Variants in MAGI3 observed in about 807,000 individuals in gnomAD.
The protein encoded by MAGI3 is membrane associated guanylate kinase, WW and PDZ domain containing 3, also known as membrane-associated guanylate kinase, WW and PDZ domain-containing protein 3.
MAGI3 carries 43 observed loss-of-function variants against 121.8 expected under a neutral mutation model. The observed-to-expected ratio is 0.35, with a 90% CI of 0.28 to 0.46. MAGI3 has a LOEUF of 0.46. Ranked by LOEUF, MAGI3 falls within the 20% of genes least tolerant of loss-of-function variation. The pLI is 1.00. For synonymous variants in MAGI3, 553 were observed against 639.3 expected (o/e 0.86, Z 2.04); for missense variants, 1,547 against 1,797.3 (o/e 0.86, Z 2.52).
At chr1:113,441,382 T>A (rs1417613736) in intron 1 of MAGI3, among the ~76,000 whole-genome samples, 1 of 152,150 alleles carries the variant, frequency 6.6e-6, no homozygotes, top group East Asian at 1.9e-4. Flanking sequence ...AAGCTCTTGC[T>A]GCGTTGCCAG....
intron 1 of MAGI3, among the ~76,000 whole-genome samples, chr1:113,463,262 T>G (rs2101522346): frequency 6.6e-6 from 1 of 151,690 alleles, no homozygotes; most frequent in East Asian, 1.9e-4. Context: ...CTGAGAGTCA[T>G]CAACCATTTG....
intron 1 of MAGI3, among the ~76,000 whole-genome samples, chr1:113,496,074 A>G (rs1024198213): frequency 3.9e-5 from 6 of 152,148 alleles, no homozygotes; most frequent in African/African-American, 1.2e-4. Flanking sequence ...CTTTTTGTTT[A>G]TCTTTTATTT....
At chr1:113,579,610 T>G (rs766135145) in intron 2 of MAGI3, among the ~76,000 whole-genome samples, 1 of 152,104 alleles carries the variant, frequency 6.6e-6, no homozygotes, top group Non-Finnish European at 1.5e-5. Context: ...CTGCAGTGAC[T>G]AGGAGGAGTG....
intron 2 of MAGI3, among the ~76,000 whole-genome samples, chr1:113,574,975 A>G (rs370206093): frequency 1.0e-3 from 158 of 151,878 alleles, no homozygotes; most frequent in African/African-American, 3.7e-3. Context: ...CACTTGATTG[A>G]TTTGCTTATT....
chr1:113,415,744 C>T (rs1157005985), intron 1 of MAGI3, among the ~76,000 whole-genome samples: 2 of 152,122 alleles, frequency 1.3e-5, no homozygotes, highest in East Asian at 1.9e-4. Context: ...GTCTGTTTCT[C>T]ACCAGAATAT....
At chr1:113,505,557 T>TAAATAAATAAATAA (rs1311098939) in intron 1 of MAGI3, among the ~76,000 whole-genome samples, 9 of 64,316 alleles carry the variant, frequency 1.4e-4, no homozygotes, top group Admixed American at 6.0e-4. Flanking sequence ...TAAATAAATA[T>TAAATAAATAAATAA]ATAATGTCAG....
At chr1:113,602,787 A>G (rs1649487033) in intron 6 of MAGI3, among the ~76,000 whole-genome samples, 1 of 152,102 alleles carries the variant, frequency 6.6e-6, no homozygotes, top group Non-Finnish European at 1.5e-5. Flanking sequence ...TTAACCAGGT[A>G]TGGTGGTGCC....
chr1:113,506,763 C>T (rs972275551), intron 1 of MAGI3, among the ~76,000 whole-genome samples: 1 of 152,114 alleles, frequency 6.6e-6, no homozygotes, highest in Admixed American at 6.5e-5. Context: ...GGTACCACTT[C>T]CCTTTTGGAG....
chr1:113,583,291 C>A (rs1293149767), intron 3 of MAGI3, among the ~76,000 whole-genome samples: 1 of 151,150 alleles, frequency 6.6e-6, no homozygotes, highest in East Asian at 1.9e-4. Flanking sequence ...GCTATCCCTC[C>A]CCCCAGATCT....
chr1:113,547,004 A>C (rs1659565056), intron 1 of MAGI3, among the ~76,000 whole-genome samples: 1 of 151,138 alleles, frequency 6.6e-6, no homozygotes, highest in African/African-American at 2.4e-5. Flanking sequence ...AATGGCGTGA[A>C]CCCAGGAGGC....
At chr1:113,632,881 G>T (rs969647011) in intron 9 of MAGI3, among the ~76,000 whole-genome samples, 1 of 146,614 alleles carries the variant, frequency 6.8e-6, no homozygotes, top group East Asian at 2.0e-4. Flanking sequence ...AATGGCTTTT[G>T]TTTTGTTTAG....
intron 2 of MAGI3, among the ~76,000 whole-genome samples, chr1:113,560,363 G>A (rs1271400829): frequency 1.3e-5 from 2 of 151,580 alleles, no homozygotes; most frequent in East Asian, 1.9e-4. Flanking sequence ...GTCACAGAGC[G>A]AGACTCCATC....
At chr1:113,617,644 T>C (rs1650561624) in intron 7 of MAGI3, among the ~76,000 whole-genome samples, 2 of 152,234 alleles carry the variant, frequency 1.3e-5, no homozygotes, top group Admixed American at 6.5e-5. Context: ...TATGTTCTAA[T>C]GCCTGGGTGG....
rs977327212 is a variant in MAGI3, at chr1:113,479,809, G to A, written c.317-69706G>A. ...CCTTTGCTTTTTGTTCCTCTGACTG[G>A]GTAATTTTAAATGAACCATCTTACA... On this transcript the variant is annotated intron_variant, in intron 1 of 20. Coordinates refer to ENST00000307546, the MANE Select transcript of MAGI3 (RefSeq NM_001142782.2). 5.3e-5 allele frequency among the ~76,000 whole-genome samples: 8 copies of A among 151,290 alleles called. No individual in the cohort carries two copies. The Admixed American group carries it at 5.3e-4, about 10-fold the overall frequency.
chr1:113,435,697 G>A (rs1278917814), intron 1 of MAGI3, among the ~76,000 whole-genome samples: 1 of 152,084 alleles, frequency 6.6e-6, no homozygotes, highest in Non-Finnish European at 1.5e-5. Context: ...CTGATATGTG[G>A]AGGGATGTCT....
intron 1 of MAGI3, among the ~76,000 whole-genome samples, chr1:113,532,283 A>G (rs977734787): frequency 1.3e-5 from 2 of 152,030 alleles, no homozygotes; most frequent in African/African-American, 4.8e-5. Context: ...TATATTATAT[A>G]TAAACAGCTT....
At chr1:113,680,159 TAGC>T (rs918876401) in intron 19 of MAGI3, among the ~76,000 whole-genome samples, 2 of 152,200 alleles carry the variant, frequency 1.3e-5, no homozygotes, top group Middle Eastern at 3.2e-3. Flanking sequence ...GTACAGGACA[TAGC>T]AGCAGTTCAA....
At chr1:113,460,935 A>G (rs921896968) in intron 1 of MAGI3, among the ~76,000 whole-genome samples, 4 of 152,218 alleles carry the variant, frequency 2.6e-5, no homozygotes, top group African/African-American at 4.8e-5. Flanking sequence ...CTATACACCA[A>G]CAACAGCCAA....
Position 113,391,210 on chromosome 1 carries a change from C to G in MAGI3, c.177C>G (p.Val59=). The stretch of plus-strand genomic sequence containing the variant: ...AGCCCGGCGGGGGCACCTGCTGCGT[C>G]GTCTCGGGCAAGGCGCCCAGCCCAG... ...REEPGGGTCC[V]VSGKAPSPGD... is the part of the protein sequence containing the mutation. Residue 59 remains valine (V), a synonymous_variant, in exon 1 of 21, where the codon GTC becomes GTG. Coordinates refer to ENST00000307546, the MANE Select transcript of MAGI3 (RefSeq NM_001142782.2). This position sits in a 1 kb window ranked among gnomAD's most constrained non-coding sequence, Gnocchi z 4.4. 1 of 1,554,188 alleles carries G rather than the reference C, an allele frequency of 6.4e-7. No individual in the cohort carries two copies. The highest frequency in any genetic ancestry group is 8.7e-7 in the Non-Finnish European group (1 of 1,149,424).
Sources: gnomAD v4.1 joint callset for allele counts (sites outside exome capture counted in the v4.1 genomes callset) on GRCh38, gnomAD v4.1.1 for gene constraint, Gnocchi (gnomAD v3.1) non-coding constraint, MANE v1.5 for transcripts, NCBI Gene and HGNC (gene_info 2026-07-23, HGNC 2026-07-21) for gene names.